The following SV2B variants were observed in gnomAD, a reference collection of about 807,000 sequenced individuals.
SV2B encodes solute carrier family 22 member B2.
A neutral mutation model predicts 73.9 loss-of-function variants in SV2B; 41 were observed. The observed-to-expected ratio is 0.56, with a 90% CI of 0.43 to 0.72. The LOEUF (loss-of-function observed/expected upper bound fraction) is 0.72. Among genes scored for constraint, SV2B ranks in the 30% least tolerant of loss-of-function variants. The pLI is 0.00. For synonymous variants in SV2B, 314 were observed against 314.2 expected, an observed-to-expected ratio of 1.00 and a Z score of 0.01; for missense variants, 764 against 857.8, an observed-to-expected ratio of 0.89 and a Z score of 1.37.
At chr15:91,111,341 T>C (rs1325904456) in intron 1 of SV2B, among the ~76,000 whole-genome samples, 2 of 152,226 alleles carry the variant, frequency 1.3e-5, no homozygotes, top group East Asian at 3.8e-4. Context: ...TCTTACTTTC[T>C]TGTGGTTCTT....
chr15:91,119,467 T>G (rs1369900756), intron 1 of SV2B, among the ~76,000 whole-genome samples: 2 of 152,246 alleles, frequency 1.3e-5, no homozygotes, highest in Non-Finnish European at 2.9e-5. Flanking sequence ...GCGACTCGTT[T>G]CAAGCTTTGC....
At position 91,129,479 on chromosome 15, in the gene SV2B, T is replaced by A. The variant is rs1039305301; in HGVS notation, c.-392+29116T>A. Among the ~76,000 whole-genome samples, 1 of 152,154 alleles carries A rather than the reference T, an allele frequency of 6.6e-6. No individual in the cohort carries two copies. Among genetic ancestry groups the A allele is most frequent in the African/African-American group, 2.4e-5 (1 of 41,448 alleles). On this transcript the variant is annotated intron_variant, in intron 1 of 12. Transcript: ENST00000394232. The surrounding 1 kb of genome is among the most constrained non-coding windows in gnomAD (Gnocchi z 5.1). ...AATGGTGGGGATCAGCAAAGATGTA[T>A]GTCTTGGAAAAGCCCAGAACCGGAG...
chr15:91,222,374 A>G (rs1221009640), intron 1 of SV2B, among the ~76,000 whole-genome samples: 1 of 152,232 alleles, frequency 6.6e-6, no homozygotes, highest in African/African-American at 2.4e-5. Flanking sequence ...GTATTCAATA[A>G]ATGAAAGATA....
chr15:91,275,095 T>A (rs2048440611), intron 9 of SV2B, among the ~76,000 whole-genome samples: 1 of 152,160 alleles, frequency 6.6e-6, no homozygotes, highest in South Asian at 2.1e-4. Context: ...CTCTTTATTT[T>A]TAAATCCGTG....
intron 1 of SV2B, among the ~76,000 whole-genome samples, chr15:91,216,465 C>CTTTT (rs372420934): frequency 6.8e-6 from 1 of 147,396 alleles, no homozygotes; most frequent in African/African-American, 2.5e-5. Flanking sequence ...TCTTTCTTTT[C>CTTTT]TTTTTTTTTT....
intron 2 of SV2B, among the ~76,000 whole-genome samples, chr15:91,249,230 C>G (rs947042799): frequency 6.6e-6 from 1 of 152,202 alleles, no homozygotes; most frequent in Non-Finnish European, 1.5e-5. Flanking sequence ...ATCAGACTTT[C>G]TTTTTGCCTC....
intron 1 of SV2B, among the ~76,000 whole-genome samples, chr15:91,131,238 C>T (rs750972260): frequency 1.3e-5 from 2 of 149,180 alleles, no homozygotes; most frequent in African/African-American, 5.0e-5. Context: ...AATTCTCCTG[C>T]CCTGGCCTCC....
chr15:91,278,440 G>A (rs989403235), intron 9 of SV2B, among the ~76,000 whole-genome samples: 1 of 151,948 alleles, frequency 6.6e-6, no homozygotes, highest in Non-Finnish European at 1.5e-5. Flanking sequence ...CACTTTGGGA[G>A]GCCGAGGCGG....
intron 1 of SV2B, among the ~76,000 whole-genome samples, chr15:91,111,544 G>T (rs1359680055): frequency 6.6e-6 from 1 of 152,222 alleles, no homozygotes; most frequent in African/African-American, 2.4e-5. Context: ...TATTGGACAG[G>T]AGAGGGGATA....
At chr15:91,257,716 A>G (rs2047748778) in intron 4 of SV2B, among the ~76,000 whole-genome samples, 1 of 152,192 alleles carries the variant, frequency 6.6e-6, no homozygotes, top group Non-Finnish European at 1.5e-5. Context: ...CCTGGGTCGT[A>G]TGAGGCCCTG....
At chr15:91,127,631 G>A (rs1204325568) in intron 1 of SV2B, among the ~76,000 whole-genome samples, 1 of 152,184 alleles carries the variant, frequency 6.6e-6, no homozygotes, top group Non-Finnish European at 1.5e-5. Flanking sequence ...AGGCATGACA[G>A]TCACAGAAGG....
At chr15:91,160,571 G>C (rs759801804) in intron 1 of SV2B, among the ~76,000 whole-genome samples, 2 of 152,170 alleles carry the variant, frequency 1.3e-5, no homozygotes, top group African/African-American at 4.8e-5. Flanking sequence ...TCATGCCACT[G>C]CACTCCAGCC....
At chr15:91,249,063 C>T (rs548286951) in intron 2 of SV2B, among the ~76,000 whole-genome samples, 6 of 100,484 alleles carry the variant, frequency 6.0e-5, no homozygotes, top group South Asian at 4.2e-4. Context: ...CATACATCTA[C>T]GTTTTCACAC....
At chr15:91,182,267 C>A (rs1157759831) in intron 1 of SV2B, among the ~76,000 whole-genome samples, 2 of 152,162 alleles carry the variant, frequency 1.3e-5, no homozygotes, top group African/African-American at 2.4e-5. Context: ...GACATGTGAC[C>A]GTCCATCTAA....
chr15:91,269,962 C>A (rs1190729119), intron 9 of SV2B, among the ~76,000 whole-genome samples: 2 of 152,138 alleles, frequency 1.3e-5, no homozygotes, highest in East Asian at 3.8e-4. Flanking sequence ...CTAGGGATGG[C>A]AGCTTGTGGT....
At chr15:91,133,627 A>G (rs2042724342) in intron 1 of SV2B, among the ~76,000 whole-genome samples, 2 of 152,002 alleles carry the variant, frequency 1.3e-5, no homozygotes, top group South Asian at 4.2e-4. Flanking sequence ...GCTTCCATCC[A>G]CTGCCCAGGA....
intron 1 of SV2B, among the ~76,000 whole-genome samples, chr15:91,202,107 A>C (rs770175690): frequency 6.6e-6 from 1 of 151,948 alleles, no homozygotes; most frequent in Admixed American, 6.6e-5. Flanking sequence ...CTATCATGAG[A>C]TCTCTCCTCA....
intron 1 of SV2B, among the ~76,000 whole-genome samples, chr15:91,173,910 C>A (rs138833887): frequency 0.011 from 1,636 of 152,286 alleles, 25 homozygotes; most frequent in African/African-American, 0.036. Flanking sequence ...CCTTTTTCTT[C>A]TCTATCTGAG....
At chr15:91,230,592 T>G (rs2046538762) in intron 2 of SV2B, among the ~76,000 whole-genome samples, 1 of 152,220 alleles carries the variant, frequency 6.6e-6, no homozygotes, top group Non-Finnish European at 1.5e-5. Flanking sequence ...GATCTGTGAG[T>G]ATATTGTTAA....
Sources: allele counts gnomAD v4.1 joint callset (sites outside exome capture counted in the v4.1 genomes callset), GRCh38; gene constraint gnomAD v4.1.1; non-coding constraint Gnocchi (gnomAD v3.1); transcripts MANE v1.5; gene names NCBI Gene and HGNC (gene_info 2026-07-23, HGNC 2026-07-21).